The following ATG7 variants were observed in gnomAD, a reference collection of about 807,000 sequenced individuals.
ATG7 encodes autophagy related 7, also known as ubiquitin-like modifier-activating enzyme ATG7.
ATG7 carries 70 observed loss-of-function variants against 82.4 expected under a neutral mutation model. The ratio of observed to expected loss-of-function variants is 0.85; its 90% CI spans 0.70 to 1.04. The LOEUF (loss-of-function observed/expected upper bound fraction) is 1.04, where lower values mean the gene tolerates loss of function less well. ATG7 is among the 50% of genes least tolerant of loss of function. The pLI, the probability that ATG7 is intolerant of heterozygous loss-of-function variation, is 0.00. For synonymous variants in ATG7, 287 were observed against 313.0 expected (o/e 0.92, Z 0.88); for missense variants, 792 against 864.3 (o/e 0.92, Z 1.05).
rs567035649 is a variant in ATG7, at chr3:11,363,305, C to T, written c.1799+377C>T. 1.3e-4 allele frequency among the ~76,000 whole-genome samples: 19 copies of T among 151,538 alleles called. No homozygotes were observed. The South Asian group carries it at 3.5e-3, about 28-fold the overall frequency. On this transcript the variant is annotated intron_variant, in intron 17 of 20. Transcript: ENST00000693202. ...TTGCCCAGGCTGGAGTGTAATGGCACGATTTTGGCTCACTGCAACCTCTGC... is the reference window on the plus strand; with the variant it reads ...TTGCCCAGGCTGGAGTGTAATGGCATGATTTTGGCTCACTGCAACCTCTGC...
At chr3:11,437,985 AG>A (rs2083515230) in intron 20 of ATG7, among the ~76,000 whole-genome samples, 1 of 152,206 alleles carries the variant, frequency 6.6e-6, no homozygotes, top group Non-Finnish European at 1.5e-5. Context: ...TTTTTCCTCA[AG>A]CTGGTAATAT....
At chr3:11,393,300 T>C (rs377080362) in intron 19 of ATG7, among the ~76,000 whole-genome samples, 1 of 151,912 alleles carries the variant, frequency 6.6e-6, no homozygotes, top group Non-Finnish European at 1.5e-5. Flanking sequence ...TCCTCTAGTA[T>C]AGATTTCAAA....
chr3:11,360,935 A>G (rs2076242358), intron 16 of ATG7, 151 bp downstream of exon 16: 9 of 876,738 alleles, frequency 1.0e-5, no homozygotes. Flanking sequence ...GCATTATCTC[A>G]TTATGAACCT....
chr3:11,483,910 G>A (rs912996214), intron 20 of ATG7, among the ~76,000 whole-genome samples: 1 of 152,180 alleles, frequency 6.6e-6, no homozygotes, highest in Non-Finnish European at 1.5e-5. Context: ...AAGATGGAGA[G>A]AGAGAAAATG....
intron 19 of ATG7, among the ~76,000 whole-genome samples, chr3:11,381,559 C>G (rs2077900954): frequency 6.6e-6 from 1 of 152,072 alleles, no homozygotes; most frequent in Non-Finnish European, 1.5e-5. Context: ...CTGGGCGTTC[C>G]TTATACTTTA....
chr3:11,372,843 T>TGTGC (rs1364154197), intron 18 of ATG7, among the ~76,000 whole-genome samples: 2 of 112,096 alleles, frequency 1.8e-5, no homozygotes, highest in African/African-American at 1.3e-4. Flanking sequence ...TGTGCGTGCG[T>TGTGC]GCGTGTGCGT....
intron 20 of ATG7, among the ~76,000 whole-genome samples, chr3:11,467,750 T>A (rs1222937712): frequency 6.6e-6 from 1 of 152,206 alleles, no homozygotes; most frequent in Admixed American, 6.5e-5. Context: ...ATTTGTGTTC[T>A]GTCTACCACC....
At chr3:11,322,467 G>T (rs371576626) in intron 9 of ATG7, among the ~76,000 whole-genome samples, 9 of 151,990 alleles carry the variant, frequency 5.9e-5, no homozygotes, top group Admixed American at 3.3e-4. Context: ...TTAAAATGTC[G>T]CAAAGGTTTT....
chr3:11,338,052 A>G (rs1429022628), intron 11 of ATG7, among the ~76,000 whole-genome samples: 1 of 152,082 alleles, frequency 6.6e-6, no homozygotes, highest in Non-Finnish European at 1.5e-5. Flanking sequence ...AGATTATTTG[A>G]TCACCCAGGT....
chr3:11,368,759 A>G (rs949466676), intron 18 of ATG7, among the ~76,000 whole-genome samples: 1 of 150,286 alleles, frequency 6.7e-6, no homozygotes, highest in African/African-American at 2.5e-5. Flanking sequence ...AAAAGGAATC[A>G]AGGTGACGCT....
downstream of ATG7, chr3:11,559,206 A>G (rs910962795): frequency 2.1e-6 from 3 of 1,414,418 alleles, no homozygotes; most frequent in East Asian, 7.6e-5. Flanking sequence ...CGTGCTCAAG[A>G]AATACTTTTT....
chr3:11,417,746 C>G (rs1281335168), intron 19 of ATG7, among the ~76,000 whole-genome samples: 1 of 149,260 alleles, frequency 6.7e-6, no homozygotes, highest in East Asian at 1.9e-4. Context: ...GTCTTCTAGT[C>G]CTTTTTCTTG....
chr3:11,385,991 A>G (rs2078290996), intron 19 of ATG7, among the ~76,000 whole-genome samples: 1 of 152,194 alleles, frequency 6.6e-6, no homozygotes, highest in South Asian at 2.1e-4. Flanking sequence ...AATAACATGT[A>G]AAACTCTTGC....
At chr3:11,506,127 C>T (rs2091692401) in intron 20 of ATG7, among the ~76,000 whole-genome samples, 1 of 151,812 alleles carries the variant, frequency 6.6e-6, no homozygotes, top group Non-Finnish European at 1.5e-5. Flanking sequence ...GCCTTCTTTC[C>T]CTAGTACATT....
At chr3:11,372,837 CGT>C (rs746420754) in intron 18 of ATG7, among the ~76,000 whole-genome samples, 6 of 90,548 alleles carry the variant, frequency 6.6e-5, no homozygotes, top group Non-Finnish European at 1.0e-4. Context: ...CGTGTGTGTG[CGT>C]GCGTGCGTGT....
chr3:11,303,581 T>A (rs1315774930), intron 5 of ATG7, among the ~76,000 whole-genome samples: 1 of 148,510 alleles, frequency 6.7e-6, no homozygotes, highest in East Asian at 2.1e-4. Flanking sequence ...GGCAGGAGAA[T>A]GGTGTGAACC....
chr3:11,573,297 AAGAAAG>A, the ATG7 span, among the ~76,000 whole-genome samples: 2 of 12,078 alleles, frequency 1.7e-4, no homozygotes, highest in Admixed American at 1.9e-3. Flanking sequence ...GAAAGAAAGA[AAGAAAG>A]AAAGGAAGGA....
intron 20 of ATG7, among the ~76,000 whole-genome samples, chr3:11,516,766 A>G (rs1218192430): frequency 6.6e-6 from 1 of 152,214 alleles, no homozygotes; most frequent in Non-Finnish European, 1.5e-5. Flanking sequence ...GCCATTAAAG[A>G]CATGGAGAAA....
chr3:11,417,389 T>C (rs558978288), intron 19 of ATG7, among the ~76,000 whole-genome samples: 1 of 152,326 alleles, frequency 6.6e-6, no homozygotes, highest in East Asian at 1.9e-4. Flanking sequence ...AACTGTGTCT[T>C]ACTGGAGAAT....
Sources: gnomAD v4.1 joint callset for allele counts (sites outside exome capture counted in the v4.1 genomes callset) on GRCh38, gnomAD v4.1.1 for gene constraint, MANE v1.5 for transcripts, NCBI Gene and HGNC (gene_info 2026-07-23, HGNC 2026-07-21) for gene names.